The following OGA variants were observed in gnomAD, a reference collection of about 807,000 sequenced individuals.
OGA encodes protein O-GlcNAcase.
OGA carries 21 observed loss-of-function variants against 102.0 expected under a neutral mutation model. That is an observed-to-expected ratio of 0.21 (90% CI 0.15 to 0.30). The LOEUF (loss-of-function observed/expected upper bound fraction) is 0.30. Among genes scored for constraint, OGA ranks in the 10% least tolerant of loss-of-function variants. OGA has a pLI of 1.00. For missense variants in OGA, 765 were observed against 1,107.8 expected (o/e 0.69, Z 4.39); for synonymous variants, 408 against 378.2 (o/e 1.08, Z -0.91).
chr10:101,797,727 T>G, intron 10 of OGA: 1 of 586,626 alleles, frequency 1.7e-6, no homozygotes. Context: ...CAAGTTAAAG[T>G]CAGTACTTTC....
At chr10:101,788,737 A>AC (rs1178908237) in intron 14 of OGA, among the ~76,000 whole-genome samples, 2 of 151,474 alleles carry the variant, frequency 1.3e-5, no homozygotes, top group Non-Finnish European at 3.0e-5. Context: ...TCCGTCTCAA[A>AC]AAAAAAAAAA....
chr10:101,804,272 C>CTTT (rs965762850), intron 6 of OGA, among the ~76,000 whole-genome samples: 4 of 131,920 alleles, frequency 3.0e-5, no homozygotes, highest in South Asian at 2.5e-4. Context: ...CTTACGTGTA[C>CTTT]TTTTTTTTTT....
intron 4 of OGA, among the ~76,000 whole-genome samples, chr10:101,808,347 A>C (rs1002434680): frequency 6.6e-6 from 1 of 152,202 alleles, no homozygotes; most frequent in African/African-American, 2.4e-5. Flanking sequence ...ATGATCCAAC[A>C]AAGTGGCCTA....
intron 15 of OGA, among the ~76,000 whole-genome samples, chr10:101,786,815 T>TG (rs760101580): frequency 1.3e-5 from 2 of 152,182 alleles, no homozygotes; most frequent in Admixed American, 6.5e-5. Context: ...CTTGCTCTGT[T>TG]GGAGTCCAGT....
chr10:101,816,280 A>C (rs2065624024), intron 1 of OGA, among the ~76,000 whole-genome samples: 1 of 152,204 alleles, frequency 6.6e-6, no homozygotes, highest in South Asian at 2.1e-4. Flanking sequence ...AAAAACAACA[A>C]AACACACAAA....
At position 101,799,392 on chromosome 10, in the gene OGA, G is replaced by A; in HGVS notation, c.1259C>T (p.Ala420Val). 6.2e-7 allele frequency: 1 copy of A among 1,614,112 alleles called. No individual in the cohort carries two copies. The highest frequency in any genetic ancestry group is 8.5e-7 in the Non-Finnish European group (1 of 1,179,974). Residue 420 changes from alanine (A) to valine (V), a missense_variant, in exon 9 of 16, where the codon GCA becomes GTA. By Grantham distance (64) the Ala-to-Val change is moderately conservative. Around this residue, in one of 7 missense-constraint regions of OGA, gnomAD observed 281 missense variants for 345.8 expected, o/e 0.81. Coordinates refer to ENST00000361464, the MANE Select transcript of OGA (RefSeq NM_012215.5). ...SVVDGTPLVA[A>V]PSLNATTVVT... is the part of the protein sequence containing the mutation. ...TACGGTTGTGGCATTTAAAGAGGGT[G>A]CTGCAACTAAAGGAGTCCCATCAAC...
In OGA at chr10:101,818,158, T is replaced by G; in HGVS notation, c.-136A>C. ...GGCTCCTTCCCCTCCCCCTCTGCCC[T>G]TCCCCCTCCCTCTCCGCAGGGACCC... On this transcript the variant is annotated 5_prime_UTR_variant, in exon 1 of 16. Transcript: ENST00000361464. 7.3e-7 allele frequency: 1 copy of G among 1,370,352 alleles called. No homozygotes were observed. 84.9% of individuals were successfully genotyped at this position (1,370,352 alleles called of 1,614,324 possible).
At chr10:101,790,124 ACT>A (rs558054991) in intron 14 of OGA, among the ~76,000 whole-genome samples, 405 of 152,194 alleles carry the variant, frequency 2.7e-3, no homozygotes, top group African/African-American at 9.1e-3. Flanking sequence ...CACAAAGTAG[ACT>A]CTCAAGAGCT....
intron 5 of OGA, 54 bp from the exon 6 acceptor site, chr10:101,806,197 CTCTT>C: frequency 8.7e-7 from 1 of 1,145,034 alleles, no homozygotes; most frequent in East Asian, 2.4e-5. Context: ...CATGGGTTTT[CTCTT>C]TGTTTGTTTG....
chr10:101,800,204 G>A lies in OGA; in HGVS notation c.1195+38C>T, dbSNP rs528850976. The A allele has an allele frequency of 3.4e-5, 54 of 1,589,668 alleles. No homozygotes were observed. In the South Asian group the frequency reaches 6.0e-4, roughly 18 times the overall value. On this transcript the variant is annotated intron_variant, in intron 8 of 15. Coordinates refer to ENST00000361464, the MANE Select transcript of OGA (RefSeq NM_012215.5). ...GTTCTTTACTTTGTGACTCAACTATGTGATCTAACCCCCTTAACAAAGAAT... is the reference window on the plus strand; with the variant it reads ...GTTCTTTACTTTGTGACTCAACTATATGATCTAACCCCCTTAACAAAGAAT...
Position 101,791,271 on chromosome 10 carries a change from A to G in OGA, c.2261+83T>C, listed in dbSNP as rs546542113. On this transcript the variant is annotated intron_variant, in intron 13 of 15. Transcript: ENST00000361464. ...AAAGTGGGATTTAAAATAAATAAATATATTTCCAGTCATCACCTCCCCTCA... is the reference window on the plus strand; with the variant it reads ...AAAGTGGGATTTAAAATAAATAAATGTATTTCCAGTCATCACCTCCCCTCA... The G allele has an allele frequency of 4.0e-5, 51 of 1,272,700 alleles. No homozygotes were observed. In the South Asian group the frequency reaches 5.7e-4, roughly 14 times the overall value. 78.8% of individuals were successfully genotyped at this position (1,272,700 alleles called of 1,614,324 possible).
chr10:101,789,224 C>T (rs1247887158), intron 14 of OGA, among the ~76,000 whole-genome samples: 4 of 152,172 alleles, frequency 2.6e-5, no homozygotes, highest in Non-Finnish European at 4.4e-5. Context: ...TGAGGCCAGG[C>T]GCGGTGGCTC....
Position 101,800,305 on chromosome 10 carries a change from T to C in OGA, c.1132A>G (p.Met378Val). 6.2e-7 allele frequency: 1 copy of C among 1,613,978 alleles called. No individual in the cohort carries two copies. The highest frequency in any genetic ancestry group is 8.5e-7 in the Non-Finnish European group (1 of 1,179,804). The change falls in exon 8 of 16, where the codon ATG becomes GTG. Residue 378 changes from methionine (M) to valine (V), a missense_variant. Coordinates refer to ENST00000361464, the MANE Select transcript of OGA (RefSeq NM_012215.5). ...IETDVLYSPQ[M>V]ALKLALTEWL... ...TCTGTTAATGCTAGCTTTAGAGCCA[T>C]CTGTGGACTATAGAGTACATCAGTT...
chr10:101,809,611 T>C (rs1426411209), intron 4 of OGA, among the ~76,000 whole-genome samples: 1 of 147,892 alleles, frequency 6.8e-6, no homozygotes, highest in African/African-American at 2.5e-5. Flanking sequence ...CTCAGGAGGC[T>C]GAGGCATGAG....
rs147084932 is a variant in OGA, at chr10:101,810,366, C to T, written c.350-52G>A. 5 of 1,507,184 alleles carry T rather than the reference C, an allele frequency of 3.3e-6. No homozygotes were observed. In the East Asian group the frequency reaches 9.1e-5, roughly 28 times the overall value. The allele number at this position is 1,507,184 out of a possible 1,614,324, so 93.4% of individuals were successfully genotyped here. The stretch of plus-strand genomic sequence containing the variant: ...AAAGCAGAACAGAAAACTAAAAGAA[C>T]CTTCACTGAAGGTTTAACTGAAGAG... On this transcript the variant is annotated intron_variant, in intron 3 of 15. Coordinates refer to ENST00000361464, the MANE Select transcript of OGA (RefSeq NM_012215.5).
At chr10:101,794,050 G>A in intron 10 of OGA, 52 bp from the exon 11 acceptor site, 2 of 1,370,366 alleles carry the variant, frequency 1.5e-6, no homozygotes, top group Non-Finnish European at 2.1e-6. Context: ...GGATTTCCTG[G>A]GGTCTCAAAT....
intron 1 of OGA, among the ~76,000 whole-genome samples, chr10:101,817,159 G>C (rs779581618): frequency 6.6e-6 from 1 of 152,216 alleles, no homozygotes; most frequent in Non-Finnish European, 1.5e-5. Flanking sequence ...GAAAAAAGGC[G>C]AGAAGGGCAT....
chr10:101,813,664 G>A, intron 1 of OGA, 58 bp from the exon 2 acceptor site: 1 of 1,091,868 alleles, frequency 9.2e-7, no homozygotes, highest in East Asian at 2.5e-5. Flanking sequence ...AAGCTTTATT[G>A]AGAAAAGCAA....
In OGA at chr10:101,818,132, C is replaced by T. The variant is rs1021274861; in HGVS notation, c.-110G>A. 1.1e-5 allele frequency: 15 copies of T among 1,392,126 alleles called. No homozygotes were observed. The highest frequency in any genetic ancestry group is 3.3e-5 in the Admixed American group (1 of 30,748). The allele number at this position is 1,392,126 out of a possible 1,614,324, so 86.2% of individuals were successfully genotyped here. On this transcript the variant is annotated 5_prime_UTR_variant, in exon 1 of 16. Coordinates refer to ENST00000361464, the MANE Select transcript of OGA (RefSeq NM_012215.5). ...CTTCAGCTCCAAGTGTGCGCCCCTC[C>T]GGCTCCTTCCCCTCCCCCTCTGCCC...
Sources: gnomAD v4.1 joint callset for allele counts (sites outside exome capture counted in the v4.1 genomes callset) on GRCh38, gnomAD v4.1.1 for gene constraint, gnomAD v4.1.1 regional missense constraint, MANE v1.5 for transcripts, NCBI Gene and HGNC (gene_info 2026-07-23, HGNC 2026-07-21) for gene names.